The following FARS2 variants were observed in gnomAD, a reference collection of about 807,000 sequenced individuals.
FARS2 encodes the protein phenylalanyl-tRNA synthetase 2, mitochondrial.
FARS2 carries 40 observed loss-of-function variants against 46.4 expected under a neutral mutation model. The observed-to-expected ratio is 0.86, with a 90% CI of 0.67 to 1.12. The LOEUF is 1.12. Ranked by LOEUF, FARS2 falls within the 50% of genes most tolerant of loss-of-function variation. The pLI is 0.00. For missense variants in FARS2, 513 were observed against 567.9 expected (o/e 0.90, Z 0.98); for synonymous variants, 234 against 214.9 (o/e 1.09, Z -0.78).
intron 3 of FARS2, among the ~76,000 whole-genome samples, chr6:5,404,945 C>T (rs1562016016): frequency 1.3e-5 from 2 of 151,832 alleles, no homozygotes; most frequent in Non-Finnish European, 2.9e-5. Flanking sequence ...ATTATAGGCG[C>T]CCATCACCAC....
intron 6 of FARS2, among the ~76,000 whole-genome samples, chr6:5,634,893 T>C (rs1455776390): frequency 2.0e-5 from 3 of 152,210 alleles, no homozygotes; most frequent in African/African-American, 7.2e-5. Context: ...GGAGTTCAGT[T>C]GTCTTGCAGT....
intron 4 of FARS2, among the ~76,000 whole-genome samples, chr6:5,523,498 G>A (rs1254964835): frequency 6.6e-6 from 1 of 152,006 alleles, no homozygotes; most frequent in Non-Finnish European, 1.5e-5. Context: ...TGGAAGCCCG[G>A]GCATGGGCGA....
At chr6:5,430,299 G>A (rs1008633950) in intron 3 of FARS2, among the ~76,000 whole-genome samples, 2 of 152,112 alleles carry the variant, frequency 1.3e-5, no homozygotes, top group African/African-American at 4.8e-5. Context: ...TCTGCTTTTA[G>A]TGACCTCTGC....
intron 1 of FARS2, among the ~76,000 whole-genome samples, chr6:5,321,452 G>A (rs906147534): frequency 2.6e-5 from 4 of 152,130 alleles, no homozygotes; most frequent in African/African-American, 9.7e-5. Context: ...CCTGTGGGAT[G>A]TGTTGGGGGA....
At chr6:5,302,296 G>C (rs1214297826) in intron 1 of FARS2, among the ~76,000 whole-genome samples, 1 of 152,186 alleles carries the variant, frequency 6.6e-6, no homozygotes, top group African/African-American at 2.4e-5. Flanking sequence ...TGGGGACTGA[G>C]ATTCTAACAG....
rs188614697 is a variant in FARS2, at chr6:5,478,845, G to A, written c.904+47673G>A. 1.6e-4 allele frequency among the ~76,000 whole-genome samples: 25 copies of A among 152,252 alleles called. No homozygotes were observed. In the East Asian group the frequency reaches 4.4e-3, roughly 27 times the overall value. On this transcript the variant is annotated intron_variant, in intron 4 of 6. Transcript: ENST00000274680. Reference sequence around the variant, plus strand: ...ACAAAGCAGGGCTTCCCAGGATTGCGTTATTCTCCCTCTGAGCCAAGGAGA... The same window carrying A: ...ACAAAGCAGGGCTTCCCAGGATTGCATTATTCTCCCTCTGAGCCAAGGAGA...
intron 2 of FARS2, among the ~76,000 whole-genome samples, chr6:5,385,449 G>T (rs1015330140): frequency 6.7e-6 from 1 of 148,874 alleles, no homozygotes; most frequent in Non-Finnish European, 1.5e-5. Context: ...TTGAGACGGG[G>T]TCTTGCTCTG....
At chr6:5,314,828 A>C (rs949417541) in intron 1 of FARS2, among the ~76,000 whole-genome samples, 2 of 152,186 alleles carry the variant, frequency 1.3e-5, no homozygotes, top group African/African-American at 4.8e-5. Flanking sequence ...TTACTCTTTC[A>C]TGTAATTGAA....
chr6:5,702,136 G>A lies in FARS2; in HGVS notation c.1218-69155G>A, dbSNP rs577326274. Among the ~76,000 whole-genome samples the A allele has an allele frequency of 7.2e-5, 11 of 152,280 alleles. No homozygotes were observed. The East Asian group carries it at 1.9e-3, about 27-fold the overall frequency. The stretch of plus-strand genomic sequence containing the variant: ...GGAAACTTTGGTGTAGCTTATAGAA[G>A]GTGTCCCAAAAGCTAGGACTTTGAC... On this transcript the variant is annotated intron_variant, in intron 6 of 6. Coordinates refer to ENST00000274680, the MANE Select transcript of FARS2 (RefSeq NM_006567.5).
At chr6:5,736,935 T>C (rs944203389) in intron 6 of FARS2, among the ~76,000 whole-genome samples, 1 of 152,192 alleles carries the variant, frequency 6.6e-6, no homozygotes, top group African/African-American at 2.4e-5. Flanking sequence ...ACCATGCCCA[T>C]TAGCACGTGA....
intron 4 of FARS2, among the ~76,000 whole-genome samples, chr6:5,527,865 C>A (rs908293360): frequency 1.3e-5 from 2 of 152,146 alleles, no homozygotes; most frequent in African/African-American, 2.4e-5. Context: ...TTGCAATGAT[C>A]TGCTTAACAA....
At chr6:5,459,763 G>A (rs1052714209) in intron 4 of FARS2, among the ~76,000 whole-genome samples, 2 of 152,146 alleles carry the variant, frequency 1.3e-5, no homozygotes, top group Non-Finnish European at 2.9e-5. Context: ...TCTCCTGTAT[G>A]CCTTTCCCTT....
chr6:5,439,795 T>G (rs1260083572), intron 4 of FARS2, among the ~76,000 whole-genome samples: 2 of 152,254 alleles, frequency 1.3e-5, no homozygotes, highest in African/African-American at 2.4e-5. Context: ...TGAGATTGTC[T>G]AAGATCTGTG....
chr6:5,395,483 A>T (rs1760847409), intron 2 of FARS2, among the ~76,000 whole-genome samples: 1 of 152,062 alleles, frequency 6.6e-6, no homozygotes, highest in Admixed American at 6.5e-5. Flanking sequence ...TCTGGCCCTG[A>T]TCAGTTATTT....
chr6:5,516,563 A>G (rs961822285), intron 4 of FARS2, among the ~76,000 whole-genome samples: 4 of 152,132 alleles, frequency 2.6e-5, no homozygotes, highest in Non-Finnish European at 4.4e-5. Context: ...GTGTTAGCTA[A>G]TTTTTCCAAT....
At chr6:5,310,349 C>T (rs1327264832) in intron 1 of FARS2, among the ~76,000 whole-genome samples, 1 of 151,264 alleles carries the variant, frequency 6.6e-6, no homozygotes, top group Non-Finnish European at 1.5e-5. Context: ...AAGGCAAAAA[C>T]CTCAAAGGTC....
At chr6:5,286,185 C>G (rs185956696) in intron 1 of FARS2, among the ~76,000 whole-genome samples, 7 of 152,280 alleles carry the variant, frequency 4.6e-5, no homozygotes, top group African/African-American at 1.4e-4. Flanking sequence ...ACACTGACCC[C>G]TTGTTCCTAG....
chr6:5,600,911 A>G (rs1213914183), intron 5 of FARS2, among the ~76,000 whole-genome samples: 1 of 152,160 alleles, frequency 6.6e-6, no homozygotes, highest in African/African-American at 2.4e-5. Flanking sequence ...TTGAGATCCA[A>G]CCACTAGGGT....
intron 4 of FARS2, among the ~76,000 whole-genome samples, chr6:5,541,435 A>G (rs1770627322): frequency 6.6e-6 from 1 of 152,094 alleles, no homozygotes; most frequent in Non-Finnish European, 1.5e-5. Flanking sequence ...AGATAGAGAA[A>G]ATTTCCATCT....
Sources: allele counts gnomAD v4.1 joint callset (sites outside exome capture counted in the v4.1 genomes callset), GRCh38; gene constraint gnomAD v4.1.1; transcripts MANE v1.5; gene names NCBI Gene and HGNC (gene_info 2026-07-23, HGNC 2026-07-21).